ATG5: variants seen among roughly 807,000 people sequenced by gnomAD.
The protein encoded by ATG5 is autophagy related 5.
In ATG5, 14 loss-of-function variants were observed where a neutral mutation model predicts 36.5. The ratio of observed to expected loss-of-function variants is 0.38; its 90% CI spans 0.25 to 0.60. The LOEUF (loss-of-function observed/expected upper bound fraction) is 0.60. Among genes scored for constraint, ATG5 ranks in the 20% least tolerant of loss-of-function variants. The probability of loss-of-function intolerance (pLI) is 0.60; values close to 1 mark genes in which losing one functional copy is unlikely to be tolerated. For synonymous variants in ATG5, 95 were observed against 101.5 expected (o/e 0.94, Z 0.38); for missense variants, 195 against 326.7 (o/e 0.60, Z 3.11).
chr6:106,302,001 T>C (rs1037497496), intron 3 of ATG5, among the ~76,000 whole-genome samples: 3 of 152,028 alleles, frequency 2.0e-5, no homozygotes, highest in African/African-American at 7.2e-5. Flanking sequence ...GTCAGCATCC[T>C]TAATAACCAT....
chr6:106,211,722 C>A (rs978047901), intron 6 of ATG5, among the ~76,000 whole-genome samples: 4 of 152,080 alleles, frequency 2.6e-5, no homozygotes, highest in Non-Finnish European at 5.9e-5. Context: ...CTCCCAAAGA[C>A]CCAAATCCCT....
At chr6:106,261,096 A>C (rs2114550943) in intron 5 of ATG5, among the ~76,000 whole-genome samples, 1 of 152,336 alleles carries the variant, frequency 6.6e-6, no homozygotes, top group African/African-American at 2.4e-5. Flanking sequence ...GGCAAGTTTA[A>C]ATTAGAGTTA....
chr6:106,195,807 C>CT (rs1184242768), intron 7 of ATG5, among the ~76,000 whole-genome samples: 6 of 85,154 alleles, frequency 7.0e-5, no homozygotes, highest in South Asian at 4.9e-4. Context: ...CTGCTCCCCT[C>CT]TAAAAAAAAA....
intron 3 of ATG5, among the ~76,000 whole-genome samples, chr6:106,298,960 T>A (rs139651215): frequency 6.6e-6 from 1 of 152,196 alleles, no homozygotes; most frequent in Non-Finnish European, 1.5e-5. Context: ...TAAACAGATA[T>A]TATATACAGT....
chr6:106,194,334 G>A (rs748371836), intron 7 of ATG5, among the ~76,000 whole-genome samples: 21 of 151,878 alleles, frequency 1.4e-4, no homozygotes, highest in Non-Finnish European at 2.6e-4. Flanking sequence ...CTCAAATCAC[G>A]AGATACTAAC....
intron 6 of ATG5, among the ~76,000 whole-genome samples, chr6:106,235,952 A>G (rs1320585566): frequency 6.6e-6 from 1 of 152,214 alleles, no homozygotes; most frequent in Non-Finnish European, 1.5e-5. Flanking sequence ...ATCATGCCCT[A>G]AAAGTTCCTT....
chr6:106,318,979 A>G (rs1407032260), intron 1 of ATG5, among the ~76,000 whole-genome samples: 1 of 152,244 alleles, frequency 6.6e-6, no homozygotes, highest in African/African-American at 2.4e-5. Context: ...ACTCTTGAGA[A>G]GCACTATACA....
chr6:106,223,971 C>A (rs1287970635), intron 6 of ATG5, among the ~76,000 whole-genome samples: 3 of 152,196 alleles, frequency 2.0e-5, no homozygotes, highest in Non-Finnish European at 2.9e-5. Flanking sequence ...TCCACAGTTA[C>A]ATTTGTCAAA....
intron 5 of ATG5, among the ~76,000 whole-genome samples, chr6:106,259,316 G>A (rs1778922507): frequency 6.6e-6 from 1 of 152,124 alleles, no homozygotes; most frequent in Non-Finnish European, 1.5e-5. Context: ...TATACATAGT[G>A]TATCCTGTTA....
intron 6 of ATG5, among the ~76,000 whole-genome samples, chr6:106,243,215 C>T (rs556683076): frequency 2.4e-4 from 36 of 152,094 alleles, no homozygotes; most frequent in East Asian, 7.7e-4. Flanking sequence ...ATATTAATGG[C>T]GCTTTAATGA....
intron 4 of ATG5, chr6:106,283,533 C>G (rs1779960812): frequency 6.6e-6 from 1 of 152,218 alleles, no homozygotes; most frequent in African/African-American, 2.4e-5. Flanking sequence ...GCTGTTTCAC[C>G]TTTCCTTAGG....
rs138478446 is a variant in ATG5 at position 106,201,275 on chromosome 6, A to ATGTGTGTGTG, written c.691+687_691+696dup. On this transcript the variant is annotated intron_variant, in intron 7 of 7. Transcript: ENST00000369076. ...GTATATCTCAAGTATTCAAGTGTAT[A>ATGTGTGTGTG]TGTGTGTGTGTGTGTGTGTGTGTGT... Among the ~76,000 whole-genome samples, 1,355 of 149,306 alleles carry ATGTGTGTGTG rather than the reference A, an allele frequency of 9.1e-3. 10 individuals are homozygous for ATGTGTGTGTG. The highest frequency in any genetic ancestry group is 0.014 in the Middle Eastern group (4 of 290).
At chr6:106,273,345 T>C (rs935925087) in intron 5 of ATG5, among the ~76,000 whole-genome samples, 2 of 152,240 alleles carry the variant, frequency 1.3e-5, no homozygotes, top group Non-Finnish European at 2.9e-5. Context: ...TGGAAAGTTA[T>C]CTATTTCCTT....
At chr6:106,203,131 C>T (rs73776556) in intron 6 of ATG5, among the ~76,000 whole-genome samples, 3,620 of 152,252 alleles carry the variant, frequency 0.024, 60 homozygotes, top group African/African-American at 0.046. Context: ...TTCAACTTTT[C>T]GATAGGTTTC....
chr6:106,302,395 T>C (rs1770253704), intron 3 of ATG5, among the ~76,000 whole-genome samples: 1 of 152,084 alleles, frequency 6.6e-6, no homozygotes, highest in Non-Finnish European at 1.5e-5. Context: ...TAGATGATGG[T>C]AAGTCAGAAT....
chr6:106,309,406 C>T lies in ATG5; in HGVS notation c.109-915G>A, dbSNP rs146394906. ...CAACCAACTAGGTAGGAGAACGTGACATTGATCCTAGGGGCTACAGAATAC... is the reference window on the plus strand; with the variant it reads ...CAACCAACTAGGTAGGAGAACGTGATATTGATCCTAGGGGCTACAGAATAC... On this transcript the variant is annotated intron_variant, in intron 2 of 7. Transcript: ENST00000369076. 2.9e-3 allele frequency among the ~76,000 whole-genome samples: 444 copies of T among 152,156 alleles called. 2 individuals carry two copies. Among genetic ancestry groups the T allele is most frequent in the African/African-American group, 1.0e-2 (415 of 41,518 alleles).
chr6:106,243,395 G>A (rs1374243564), intron 6 of ATG5, among the ~76,000 whole-genome samples: 2 of 152,150 alleles, frequency 1.3e-5, no homozygotes, highest in African/African-American at 2.4e-5. Flanking sequence ...GCCAGGCATG[G>A]CACATGCCTG....
chr6:106,288,692 T>C (rs1562257607), intron 4 of ATG5, among the ~76,000 whole-genome samples: 3 of 152,208 alleles, frequency 2.0e-5, no homozygotes, highest in Non-Finnish European at 4.4e-5. Flanking sequence ...GCAGAATCTC[T>C]CTGAATCCAA....
At chr6:106,189,743 T>C (rs1330767335) in intron 7 of ATG5, among the ~76,000 whole-genome samples, 1 of 152,162 alleles carries the variant, frequency 6.6e-6, no homozygotes, top group Non-Finnish European at 1.5e-5. Context: ...AACATGTCTT[T>C]TTGTTTCAAA....
Sources: allele counts gnomAD v4.1 joint callset (sites outside exome capture counted in the v4.1 genomes callset), GRCh38; gene constraint gnomAD v4.1.1; transcripts MANE v1.5; gene names NCBI Gene and HGNC (gene_info 2026-07-23, HGNC 2026-07-21).